Variants in NRXN1 observed in about 807,000 individuals in gnomAD.
NRXN1 encodes the protein neurexin-1.
Under a neutral mutation model 150.9 loss-of-function variants are expected in NRXN1, and 39 were observed. The observed-to-expected ratio is 0.26, with a 90% CI of 0.20 to 0.34. The LOEUF (loss-of-function observed/expected upper bound fraction) is 0.34, where lower values mean the gene tolerates loss of function less well. NRXN1 is among the 10% of genes least tolerant of loss of function. The pLI, the probability that NRXN1 is intolerant of heterozygous loss-of-function variation, is 1.00. For missense variants in NRXN1, 1,815 were observed against 1,949.9 expected (o/e 0.93, Z 1.30); for synonymous variants, 924 against 757.0 (o/e 1.22, Z -3.62).
chr2:50,564,833 C>G (rs1184505351), intron 8 of NRXN1, among the ~76,000 whole-genome samples: 1 of 152,006 alleles, frequency 6.6e-6, no homozygotes. Flanking sequence ...TTGGAAAGTC[C>G]CACATGATTC....
chr2:50,054,915 A>G, intron 20 of NRXN1, 40 bp downstream of exon 20: 5 of 1,356,866 alleles, frequency 3.7e-6, no homozygotes, highest in Non-Finnish European at 5.0e-6. Context: ...GTTATGTTCA[A>G]ATTATTTTTT....
intron 18 of NRXN1, among the ~76,000 whole-genome samples, chr2:50,093,001 TAG>T (rs1699783860): frequency 6.6e-6 from 1 of 150,638 alleles, no homozygotes; most frequent in Non-Finnish European, 1.5e-5. Context: ...AATTTTTCTG[TAG>T]AGTTATATCA....
At chr2:50,985,563 G>T (rs1305761789) in intron 2 of NRXN1, 1 of 151,528 alleles carries the variant, frequency 6.6e-6, no homozygotes, top group Non-Finnish European at 1.5e-5. Context: ...TAATATCAAT[G>T]AAACCACTCT....
chr2:50,140,694 G>C (rs1363706475), intron 18 of NRXN1, among the ~76,000 whole-genome samples: 2 of 150,540 alleles, frequency 1.3e-5, no homozygotes, highest in East Asian at 3.9e-4. Context: ...TAGTAGAGAT[G>C]TTGATGTTTA....
chr2:50,627,458 A>G (rs576664533), intron 5 of NRXN1, among the ~76,000 whole-genome samples: 3 of 151,660 alleles, frequency 2.0e-5, no homozygotes, highest in African/African-American at 7.2e-5. Context: ...TAAGTTAGCA[A>G]AAGATACAGA....
chr2:50,506,502 G>C lies in NRXN1; in HGVS notation c.2490C>G (p.Ala830=). The C allele has an allele frequency of 6.2e-7, 1 of 1,612,684 alleles. No individual in the cohort carries two copies. Among genetic ancestry groups the C allele is most frequent in the East Asian group, 2.2e-5 (1 of 44,828 alleles). ...TGGGACAGAGGTGTTTACCTGTCATGGCCTGTTGGTCATCCACTGTTAACT... is the reference window on the plus strand; with the variant it reads ...TGGGACAGAGGTGTTTACCTGTCATCGCCTGTTGGTCATCCACTGTTAACT... The part of the protein sequence containing the change: ...SLKLTVDDQQ[A]MTGQMAGDHT... The change falls in exon 13 of 23, where the codon GCC becomes GCG. Residue 830 remains alanine, a synonymous_variant. Transcript: ENST00000401669.
chr2:50,978,183 G>A (rs1346662576), intron 2 of NRXN1, among the ~76,000 whole-genome samples: 1 of 147,614 alleles, frequency 6.8e-6, no homozygotes, highest in African/African-American at 2.5e-5. Context: ...GACATTACCT[G>A]TAAGTCCACT....
chr2:50,436,063 A>C (rs2085394872), intron 17 of NRXN1, among the ~76,000 whole-genome samples: 1 of 152,178 alleles, frequency 6.6e-6, no homozygotes, highest in African/African-American at 2.4e-5. Flanking sequence ...AAAAAGAAAA[A>C]TCTAAAGAAA....
At chr2:50,300,355 C>G (rs758214190) in intron 17 of NRXN1, among the ~76,000 whole-genome samples, 34 of 152,102 alleles carry the variant, frequency 2.2e-4, no homozygotes, top group Non-Finnish European at 4.7e-4. Context: ...CTAATTTTCT[C>G]TTATGTACTC....
At chr2:50,734,652 G>C (rs1268852888) in intron 5 of NRXN1, among the ~76,000 whole-genome samples, 8 of 151,750 alleles carry the variant, frequency 5.3e-5, no homozygotes, top group Non-Finnish European at 1.2e-4. Flanking sequence ...AAACAAATGA[G>C]CTGTAGAAAA....
chr2:50,142,478 A>G lies in NRXN1; in HGVS notation c.3547-50984T>C, dbSNP rs139023801. Among the ~76,000 whole-genome samples the G allele has an allele frequency of 8.3e-3, 1,257 of 152,086 alleles. 22 individuals are homozygous for G. The highest frequency in any genetic ancestry group is 0.028 in the African/African-American group (1,165 of 41,540). ...AGAGAGGATTTGAAACATTCCCAAC[A>G]CATAAAAATGATAAAAGCTCAAGGT... On this transcript the variant is annotated intron_variant, in intron 18 of 22. Coordinates refer to ENST00000401669, the MANE Select transcript of NRXN1 (RefSeq NM_001330078.2).
At chr2:50,008,719 TA>T (rs1428370866) in intron 21 of NRXN1, among the ~76,000 whole-genome samples, 1 of 152,142 alleles carries the variant, frequency 6.6e-6, no homozygotes, top group African/African-American at 2.4e-5. Context: ...ATCGAGTTTT[TA>T]AAACCCTGCA....
intron 18 of NRXN1, among the ~76,000 whole-genome samples, chr2:50,226,287 C>T (rs1035969178): frequency 2.6e-4 from 40 of 151,896 alleles, no homozygotes; most frequent in Admixed American, 8.5e-4. Context: ...TTGTAGACTG[C>T]TTCATAGTTT....
intron 8 of NRXN1, among the ~76,000 whole-genome samples, chr2:50,606,616 A>AAT (rs1411474903): frequency 6.6e-6 from 1 of 150,380 alleles, no homozygotes; most frequent in Non-Finnish European, 1.5e-5. Context: ...CAATAATAAT[A>AAT]ATAATAATAA....
chr2:50,321,974 T>C (rs563736997), intron 17 of NRXN1, among the ~76,000 whole-genome samples: 7 of 151,486 alleles, frequency 4.6e-5, no homozygotes, highest in African/African-American at 1.2e-4. Flanking sequence ...TGAGTTATCA[T>C]TGATGCTTAG....
intron 17 of NRXN1, among the ~76,000 whole-genome samples, chr2:50,397,571 G>A (rs2082129353): frequency 6.6e-6 from 1 of 151,906 alleles, no homozygotes; most frequent in Non-Finnish European, 1.5e-5. Flanking sequence ...GGAGTTCATT[G>A]GTCATTTCTT....
chr2:50,329,578 A>AGTGT (rs55865684), intron 17 of NRXN1, among the ~76,000 whole-genome samples: 437 of 33,854 alleles, frequency 0.013, 20 homozygotes, highest in East Asian at 0.048. Context: ...ATATAACAGT[A>AGTGT]GTGTGTGTGT....
At chr2:50,223,550 T>C (rs1285340722) in intron 18 of NRXN1, among the ~76,000 whole-genome samples, 1 of 151,974 alleles carries the variant, frequency 6.6e-6, no homozygotes, top group Non-Finnish European at 1.5e-5. Flanking sequence ...AACCTTACTC[T>C]GCGTAATAGG....
chr2:50,411,448 C>G (rs1265782943), intron 17 of NRXN1, among the ~76,000 whole-genome samples: 1 of 152,176 alleles, frequency 6.6e-6, no homozygotes, highest in Non-Finnish European at 1.5e-5. Flanking sequence ...CGGCCACCAC[C>G]CCGTCTAGGA....
Sources: gnomAD v4.1 joint callset for allele counts (sites outside exome capture counted in the v4.1 genomes callset) on GRCh38, gnomAD v4.1.1 for gene constraint, MANE v1.5 for transcripts, NCBI Gene and HGNC (gene_info 2026-07-23, HGNC 2026-07-21) for gene names.